SBNO2: variants seen among roughly 807,000 people sequenced by gnomAD.
The protein encoded by SBNO2 is protein strawberry notch homolog 2.
A neutral mutation model predicts 146.3 loss-of-function variants in SBNO2; 89 were observed. The ratio of observed to expected loss-of-function variants is 0.61; its 90% CI spans 0.51 to 0.73. The LOEUF is 0.73. Ranked by LOEUF, SBNO2 falls within the 30% of genes least tolerant of loss-of-function variation. The pLI, the probability that SBNO2 is intolerant of heterozygous loss-of-function variation, is 0.00. For missense variants in SBNO2, 2,092 were observed against 2,003.7 expected, an observed-to-expected ratio of 1.04 and a Z score of -0.84; for synonymous variants, 1,147 against 892.6, an observed-to-expected ratio of 1.29 and a Z score of -5.08.
chr19:1,131,992 CGGCT>C (rs1568594773), intron 4 of SBNO2: 1 of 875,280 alleles, frequency 1.1e-6, no homozygotes, highest in African/African-American at 1.8e-5. Context: ...GATGAGATGC[CGGCT>C]GCTCCGGCAG....
chr19:1,155,196 C>G (rs1003349701), intron 1 of SBNO2: 2 of 152,278 alleles, frequency 1.3e-5, no homozygotes, highest in African/African-American at 4.8e-5. Context: ...GGCGGCCACT[C>G]CCGGCCAAGC....
chr19:1,109,780 A>AG lies in SBNO2; in HGVS notation c.3029-4dup, dbSNP rs752708973. On this transcript the variant is annotated splice_region_variant and splice_polypyrimidine_tract_variant and intron_variant, in intron 26 of 31. Transcript: ENST00000361757. This position sits in a 1 kb window ranked among gnomAD's most constrained non-coding sequence, Gnocchi z 4.2. ...CTCCTCGATACCGGGAGCAAGGTCT[A>AG]GGGGGGCGGGTGGAGGGTAAGTGGT... 40 of 1,160,946 alleles carry AG rather than the reference A, an allele frequency of 3.4e-5. No individual in the cohort carries two copies. The highest frequency in any genetic ancestry group is 3.4e-4 in the South Asian group (27 of 78,756). 71.9% of individuals were successfully genotyped at this position (1,160,946 alleles called of 1,614,324 possible).
rs1454726049 is a variant in SBNO2, at chr19:1,108,271, C to T, written c.4050G>A (p.Gln1350=). Residue 1350 remains glutamine, a synonymous_variant, in exon 32 of 32, where the codon CAG becomes CAA. Coordinates refer to ENST00000361757, the MANE Select transcript of SBNO2 (RefSeq NM_014963.3). ...GGAAGGGPER[Q]SVIQFSPPFP... ...AGGGTGGGCTGAACTGGATCACGCTCTGCCGCTCGGGACCACCGCCCGCCG... is the reference window on the plus strand; with the variant it reads ...AGGGTGGGCTGAACTGGATCACGCTTTGCCGCTCGGGACCACCGCCCGCCG... 6.6e-7 allele frequency: 1 copy of T among 1,519,496 alleles called. No homozygotes were observed. The highest frequency in any genetic ancestry group is 8.8e-7 in the Non-Finnish European group (1 of 1,131,954). 94.1% of individuals were successfully genotyped at this position (1,519,496 alleles called of 1,614,324 possible). A position where few individuals can be genotyped will look rare whatever the true frequency, so the allele number is the denominator to read the frequency against.
Position 1,110,576 on chromosome 19 carries a change from G to A in SBNO2, c.3028+169C>T, listed in dbSNP as rs938842317. ...CCCGAGCCCACCTGGGATGCCCGGC[G>A]TTCCCACGAGCCCCTCGCCCACCCG... is the stretch of plus-strand genomic sequence containing the variant. On this transcript the variant is annotated intron_variant, in intron 26 of 31. Coordinates refer to ENST00000361757, the MANE Select transcript of SBNO2 (RefSeq NM_014963.3). The surrounding 1 kb of genome is among the most constrained non-coding windows in gnomAD (Gnocchi z 4.9). 5 of 710,012 alleles carry A rather than the reference G, an allele frequency of 7.0e-6. No individual in the cohort carries two copies. In the South Asian group the frequency reaches 1.2e-4, roughly 17 times the overall value. The allele number at this position is 710,012 out of a possible 1,614,324, so 44.0% of individuals were successfully genotyped here. A position where few individuals can be genotyped will look rare whatever the true frequency, so the allele number is the denominator to read the frequency against.
rs2079774792 is a variant in SBNO2, at chr19:1,112,381, TG to T, written c.2515+20del. 1 of 1,586,454 alleles carries T rather than the reference TG, an allele frequency of 6.3e-7. No homozygotes were observed. Among genetic ancestry groups the T allele is most frequent in the African/African-American group, 1.3e-5 (1 of 74,346 alleles). ...TGTTGGGGGCGGGGCCAGGCAGCGC[TG>T]GGGGCGGGGCCGGACTCACCGAACT... On this transcript the variant is annotated intron_variant, in intron 21 of 31. Transcript: ENST00000361757. The surrounding 1 kb of genome is among the most constrained non-coding windows in gnomAD (Gnocchi z 5.9).
At chr19:1,166,617 G>GCA (rs71932539) in intron 1 of SBNO2, among the ~76,000 whole-genome samples, 2,259 of 136,374 alleles carry the variant, frequency 0.017, 56 homozygotes, top group African/African-American at 0.054. Flanking sequence ...AACTGCACGC[G>GCA]CACACACACA....
rs1338452978 is a variant in SBNO2 at position 1,144,737 on chromosome 19, G to C, written c.279+2572C>G. On this transcript the variant is annotated intron_variant, in intron 4 of 31. Coordinates refer to ENST00000361757, the MANE Select transcript of SBNO2 (RefSeq NM_014963.3). The surrounding 1 kb of genome is among the most constrained non-coding windows in gnomAD (Gnocchi z 4.1). ...ACACAGAGGCAGAGAGGGAGACAAA[G>C]AGACAGGTGGAGAGGGAGACAGAGA... Among the ~76,000 whole-genome samples the C allele has an allele frequency of 6.6e-6, 1 of 150,512 alleles. No homozygotes were observed. Among genetic ancestry groups the C allele is most frequent in the Non-Finnish European group, 1.5e-5 (1 of 67,924 alleles).
chr19:1,139,153 C>T (rs1441073714), intron 4 of SBNO2, among the ~76,000 whole-genome samples: 1 of 152,226 alleles, frequency 6.6e-6, no homozygotes, highest in African/African-American at 2.4e-5. Context: ...GAACACGGCT[C>T]AGCCATAATC....
At chr19:1,113,830 G>T (rs978387719) in intron 18 of SBNO2, 126 bp from the exon 19 acceptor site, 4 of 1,245,682 alleles carry the variant, frequency 3.2e-6, no homozygotes, top group Non-Finnish European at 4.2e-6. Context: ...CGGCAGGGTG[G>T]CGGGGAAGCC....
intron 4 of SBNO2, chr19:1,132,221 T>G: frequency 1.5e-6 from 2 of 1,332,878 alleles, no homozygotes; most frequent in South Asian, 1.9e-5. Flanking sequence ...GCCCCAGCAT[T>G]GGGTCGGCCG....
At position 1,110,999 on chromosome 19, in the gene SBNO2, C is replaced by G; in HGVS notation, c.2884+20G>C. On this transcript the variant is annotated intron_variant, in intron 25 of 31. Coordinates refer to ENST00000361757, the MANE Select transcript of SBNO2 (RefSeq NM_014963.3). This position sits in a 1 kb window ranked among gnomAD's most constrained non-coding sequence, Gnocchi z 4.9. ...GATGAGAGACAGGAGCGCCTCTGGG[C>G]CTGGGTGTGGGGCACTCACCCTTCT... The G allele has an allele frequency of 6.2e-7, 1 of 1,600,458 alleles. No homozygotes were observed. The highest frequency in any genetic ancestry group is 8.5e-7 in the Non-Finnish European group (1 of 1,174,092).
chr19:1,163,547 C>T (rs1358826315), intron 1 of SBNO2, among the ~76,000 whole-genome samples: 3 of 152,198 alleles, frequency 2.0e-5, no homozygotes, highest in African/African-American at 7.2e-5. Context: ...CACGAGGACT[C>T]GGGTGCCCTG....
Position 1,109,078 on chromosome 19 carries a change from C to CA in SBNO2, c.3425+56_3425+57insT. ...TCTCAGGGTCTCGGGAGCCCCCGAT[C>CA]CCCGCCTGGGTCGCCGCCATCTGCC... On this transcript the variant is annotated intron_variant, in intron 30 of 31. Coordinates refer to ENST00000361757, the MANE Select transcript of SBNO2 (RefSeq NM_014963.3). The surrounding 1 kb of genome is among the most constrained non-coding windows in gnomAD (Gnocchi z 4.2). 1 of 1,536,464 alleles carries CA rather than the reference C, an allele frequency of 6.5e-7. No individual in the cohort carries two copies.
At position 1,135,544 on chromosome 19, in the gene SBNO2, C is replaced by T. The variant is rs115777454; in HGVS notation, c.280-7779G>A. On this transcript the variant is annotated intron_variant, in intron 4 of 31. Coordinates refer to ENST00000361757, the MANE Select transcript of SBNO2 (RefSeq NM_014963.3). ...GGATAGGGGTGCGCCGCCTAGGGAC[C>T]TGCTGGGCACTACCCCACCCACCTC... Among the ~76,000 whole-genome samples, 943 of 152,338 alleles carry T rather than the reference C, an allele frequency of 6.2e-3. 10 individuals are homozygous for T. Among genetic ancestry groups the T allele is most frequent in the African/African-American group, 0.022 (897 of 41,570 alleles).
intron 24 of SBNO2, 135 bp downstream of exon 24, chr19:1,111,371 C>A: frequency 1.3e-6 from 1 of 741,702 alleles, no homozygotes; most frequent in Non-Finnish European, 2.2e-6. Flanking sequence ...GCCTTCACAG[C>A]CCTCTCTGTC....
In SBNO2 at chr19:1,109,914, G is replaced by A; in HGVS notation, c.3029-137C>T. The A allele has an allele frequency of 4.6e-6, 3 of 656,256 alleles. No homozygotes were observed. The highest frequency in any genetic ancestry group is 2.7e-5 in the East Asian group (1 of 36,452). The allele number at this position is 656,256 out of a possible 1,614,324, so 40.7% of individuals were successfully genotyped here. On this transcript the variant is annotated intron_variant, in intron 26 of 31. Coordinates refer to ENST00000361757, the MANE Select transcript of SBNO2 (RefSeq NM_014963.3). The surrounding 1 kb of genome is among the most constrained non-coding windows in gnomAD (Gnocchi z 4.2). ...GAGAGGGTGTCCTGGATCCTGGCCT[G>A]ACCTGGCCCAGCGTGGGGATGGTGC...
chr19:1,157,426 C>G lies in SBNO2; in HGVS notation c.-126-3024G>C, dbSNP rs2080302024. 6.6e-6 allele frequency among the ~76,000 whole-genome samples: 1 copy of G among 152,080 alleles called. No homozygotes were observed. The highest frequency in any genetic ancestry group is 1.5e-5 in the Non-Finnish European group (1 of 67,998). The stretch of plus-strand genomic sequence containing the variant: ...CCCACGCGGCCCCGGAGACCCTCTC[C>G]CCACGCGGCCCCGGTGACACGGCCC... On this transcript the variant is annotated intron_variant, in intron 1 of 31. Transcript: ENST00000361757. This position sits in a 1 kb window ranked among gnomAD's most constrained non-coding sequence, Gnocchi z 6.8.
chr19:1,167,648 AC>A (rs1445321178), intron 1 of SBNO2, among the ~76,000 whole-genome samples: 3 of 151,876 alleles, frequency 2.0e-5, no homozygotes, highest in African/African-American at 4.8e-5. Flanking sequence ...CGATGCCGGG[AC>A]CCGAGGAATC....
chr19:1,122,569 G>C lies in SBNO2; in HGVS notation c.915-11C>G. ...TTGGAGACGCTGAACCTGCGGGGTG[G>C]GGGCGTCAGGCGCGCCCACCCTTCC... On this transcript the variant is annotated splice_polypyrimidine_tract_variant and intron_variant, in intron 9 of 31. Coordinates refer to ENST00000361757, the MANE Select transcript of SBNO2 (RefSeq NM_014963.3). 1.3e-6 allele frequency: 2 copies of C among 1,529,640 alleles called. No individual in the cohort carries two copies. The highest frequency in any genetic ancestry group is 1.8e-6 in the Non-Finnish European group (2 of 1,138,094). 94.8% of individuals were successfully genotyped at this position (1,529,640 alleles called of 1,614,324 possible).
Sources: gnomAD v4.1 joint callset for allele counts (sites outside exome capture counted in the v4.1 genomes callset) on GRCh38, gnomAD v4.1.1 for gene constraint, Gnocchi (gnomAD v3.1) non-coding constraint, MANE v1.5 for transcripts, NCBI Gene and HGNC (gene_info 2026-07-23, HGNC 2026-07-21) for gene names.